The following SNX31 variants were observed in gnomAD, a reference collection of about 807,000 sequenced individuals.
SNX31 encodes sorting nexin-31.
A neutral mutation model predicts 65.4 loss-of-function variants in SNX31; 58 were observed. The ratio of observed to expected loss-of-function variants is 0.89; its 90% CI spans 0.72 to 1.10. The LOEUF (loss-of-function observed/expected upper bound fraction) is 1.10. Ranked by LOEUF, SNX31 falls within the 50% of genes least tolerant of loss-of-function variation. The pLI, the probability that SNX31 is intolerant of heterozygous loss-of-function variation, is 0.00. For missense variants in SNX31, 523 were observed against 529.7 expected (o/e 0.99, Z 0.12); for synonymous variants, 181 against 190.1 (o/e 0.95, Z 0.39).
At chr8:100,618,157 T>G in intron 4 of SNX31, 1 of 985,040 alleles carries the variant, frequency 1.0e-6, no homozygotes, top group Non-Finnish European at 1.2e-6. Flanking sequence ...GTACCCAAAG[T>G]TCCCAAGAGA....
chr8:100,624,763 G>T (rs1016837628), intron 4 of SNX31, among the ~76,000 whole-genome samples: 1 of 151,936 alleles, frequency 6.6e-6, no homozygotes, highest in Admixed American at 6.6e-5. Flanking sequence ...TGGTAGAATT[G>T]GCTTGTATAA....
rs1818001559 is a variant in SNX31 at position 100,625,724 on chromosome 8, T to C, written c.321+4603A>G. 6.6e-6 allele frequency among the ~76,000 whole-genome samples: 1 copy of C among 152,186 alleles called. No homozygotes were observed. Among genetic ancestry groups the C allele is most frequent in the Non-Finnish European group, 1.5e-5 (1 of 68,028 alleles). On this transcript the variant is annotated intron_variant, in intron 4 of 13. Transcript: ENST00000311812. The surrounding 1 kb of genome is among the most constrained non-coding windows in gnomAD (Gnocchi z 4.2). ...GAGGGAATCAGAGGTCTCAAAGTGCTGCAGAACTCAAGCAACGCATAAGCT... is the reference window on the plus strand; with the variant it reads ...GAGGGAATCAGAGGTCTCAAAGTGCCGCAGAACTCAAGCAACGCATAAGCT...
intron 10 of SNX31, among the ~76,000 whole-genome samples, chr8:100,595,021 T>C (rs780512395): frequency 3.9e-5 from 6 of 152,200 alleles, no homozygotes; most frequent in Non-Finnish European, 8.8e-5. Context: ...CAACAAATTA[T>C]GCAGAGCAAA....
At chr8:100,591,352 G>C (rs1814557204) in intron 10 of SNX31, among the ~76,000 whole-genome samples, 1 of 152,100 alleles carries the variant, frequency 6.6e-6, no homozygotes, top group South Asian at 2.1e-4. Context: ...CTTCATCAAG[G>C]CGGGCAGGCG....
At chr8:100,632,808 G>A (rs564283164) in intron 3 of SNX31, among the ~76,000 whole-genome samples, 1 of 152,188 alleles carries the variant, frequency 6.6e-6, no homozygotes, top group Non-Finnish European at 1.5e-5. Flanking sequence ...TATTGCTCAG[G>A]TTGGTCTCAA....
Position 100,630,543 on chromosome 8 carries a change from AC to A in SNX31, c.257-153del. 1 of 648,464 alleles carries A rather than the reference AC, an allele frequency of 1.5e-6. No homozygotes were observed. Among genetic ancestry groups the A allele is most frequent in the Non-Finnish European group, 2.5e-6 (1 of 392,694 alleles). The allele number at this position is 648,464 out of a possible 1,614,324, so 40.2% of individuals were successfully genotyped here. ...GTTGAAACCTCTCAAATACAGGAAA[AC>A]CCCCAAAGCTTGCCTCCTATAGGCA... On this transcript the variant is annotated intron_variant, in intron 3 of 13. Coordinates refer to ENST00000311812, the MANE Select transcript of SNX31 (RefSeq NM_152628.4). This position sits in a 1 kb window ranked among gnomAD's most constrained non-coding sequence, Gnocchi z 5.3.
At chr8:100,579,687 G>A (rs1302504612) in intron 12 of SNX31, among the ~76,000 whole-genome samples, 2 of 152,184 alleles carry the variant, frequency 1.3e-5, no homozygotes, top group Non-Finnish European at 2.9e-5. Flanking sequence ...AAGAAGAATG[G>A]AGGGAAAAAT....
rs1388361316 is a variant in SNX31, at chr8:100,600,433, C to CT, written c.689dup (p.Asp231GlyfsTer3). 3 of 1,610,112 alleles carry CT rather than the reference C, an allele frequency of 1.9e-6. No individual in the cohort carries two copies. The highest frequency in any genetic ancestry group is 2.7e-5 in the African/African-American group (2 of 74,710). Reference sequence around the variant, plus strand: ...GTTTGGCCCATCCTTTTTCAATGTCCTGTATTGCCTTAAAATAACATAAGT... The same window carrying CT: ...GTTTGGCCCATCCTTTTTCAATGTCCTTGTATTGCCTTAAAATAACATAAGT... On this transcript the variant is annotated frameshift_variant, in exon 9 of 14. Coordinates refer to ENST00000311812, the MANE Select transcript of SNX31 (RefSeq NM_152628.4). LOFTEE classifies it high-confidence loss of function.
intron 8 of SNX31, among the ~76,000 whole-genome samples, chr8:100,605,321 G>A (rs1816047058): frequency 6.6e-6 from 1 of 152,150 alleles, no homozygotes; most frequent in Non-Finnish European, 1.5e-5. Context: ...TTCTTCTGGG[G>A]AGAGCCAAGG....
Position 100,588,494 on chromosome 8 carries a change from T to C in SNX31, c.1092+372A>G, listed in dbSNP as rs1814262118. On this transcript the variant is annotated intron_variant, in intron 11 of 13. Coordinates refer to ENST00000311812, the MANE Select transcript of SNX31 (RefSeq NM_152628.4). This position sits in a 1 kb window ranked among gnomAD's most constrained non-coding sequence, Gnocchi z 4.8. ...TTATTGGAACATAGCCAGACTCACT[T>C]GTTTATATACTGCCTATGGCTGCTT... Among the ~76,000 whole-genome samples, 1 of 152,250 alleles carries C rather than the reference T, an allele frequency of 6.6e-6. No individual in the cohort carries two copies. Among genetic ancestry groups the C allele is most frequent in the Admixed American group, 6.5e-5 (1 of 15,276 alleles).
At chr8:100,618,055 C>A (rs1586970608) in intron 4 of SNX31, 1 of 984,924 alleles carries the variant, frequency 1.0e-6, no homozygotes, top group African/African-American at 1.7e-5. Flanking sequence ...CCTGAGCCAC[C>A]ACGCCCGGCC....
rs1401291823 is a variant in SNX31 at position 100,576,009 on chromosome 8, T to C, written c.1227+1010A>G. ...CATCTACATTTTACAGACAAAGATATGGAAGTGCAGTATCAGAGTCCCTAA... is the reference window on the plus strand; with the variant it reads ...CATCTACATTTTACAGACAAAGATACGGAAGTGCAGTATCAGAGTCCCTAA... On this transcript the variant is annotated intron_variant, in intron 13 of 13. Coordinates refer to ENST00000311812, the MANE Select transcript of SNX31 (RefSeq NM_152628.4). The surrounding 1 kb of genome is among the most constrained non-coding windows in gnomAD (Gnocchi z 4.8). 6.6e-6 allele frequency among the ~76,000 whole-genome samples: 1 copy of C among 152,140 alleles called. No individual in the cohort carries two copies. The highest frequency in any genetic ancestry group is 1.5e-5 in the Non-Finnish European group (1 of 68,036).
chr8:100,647,193 C>T (rs757395098), intron 2 of SNX31, among the ~76,000 whole-genome samples: 7 of 151,700 alleles, frequency 4.6e-5, no homozygotes, highest in African/African-American at 7.3e-5. Context: ...TATTCATATG[C>T]GATATATGGA....
chr8:100,650,188 C>T (rs1819920647), upstream of SNX31, among the ~76,000 whole-genome samples: 1 of 152,204 alleles, frequency 6.6e-6, no homozygotes, highest in Non-Finnish European at 1.5e-5. Flanking sequence ...TCAACAGTCT[C>T]TCATTTTTAG....
chr8:100,579,739 G>A (rs988379312), intron 12 of SNX31, among the ~76,000 whole-genome samples: 1 of 152,176 alleles, frequency 6.6e-6, no homozygotes, highest in Non-Finnish European at 1.5e-5. Context: ...AGAGGTGTAA[G>A]GTAATCAGGA....
At position 100,630,358 on chromosome 8, in the gene SNX31, A is replaced by G. The variant is rs202051247; in HGVS notation, c.290T>C (p.Val97Ala). 1.2e-6 allele frequency: 2 copies of G among 1,613,508 alleles called. No individual in the cohort carries two copies. Among genetic ancestry groups the G allele is most frequent in the Non-Finnish European group, 1.7e-6 (2 of 1,179,890 alleles). ...CGCCAGTTTTAAAAACTCAACGAAG[A>G]CATCACTTCTCAACACGTTTGGGTC... ...TMDPNVLRSD[V>A]FVEFLKLAQL... Residue 97 changes from valine (V) to alanine (A), a missense_variant, in exon 4 of 14, where the codon GTC becomes GCC. Coordinates refer to ENST00000311812, the MANE Select transcript of SNX31 (RefSeq NM_152628.4). The surrounding 1 kb of genome is among the most constrained non-coding windows in gnomAD (Gnocchi z 5.3).
At chr8:100,607,813 A>AT (rs1272173130) in intron 8 of SNX31, among the ~76,000 whole-genome samples, 2 of 152,230 alleles carry the variant, frequency 1.3e-5, no homozygotes, top group East Asian at 1.9e-4. Context: ...TGAAAATTTA[A>AT]TTTTTTAAAA....
At chr8:100,583,009 A>AAAGAC (rs1196833434) in intron 12 of SNX31, among the ~76,000 whole-genome samples, 6 of 151,900 alleles carry the variant, frequency 3.9e-5, no homozygotes, top group African/African-American at 1.4e-4. Context: ...AAAGAAAAGA[A>AAAGAC]AAGTTTCCCA....
chr8:100,595,874 A>T (rs1276668206), intron 10 of SNX31, among the ~76,000 whole-genome samples: 1 of 152,216 alleles, frequency 6.6e-6, no homozygotes, highest in Non-Finnish European at 1.5e-5. Context: ...CTAGAATGCA[A>T]TGCCAGAAAC....
Sources: allele counts gnomAD v4.1 joint callset (sites outside exome capture counted in the v4.1 genomes callset), GRCh38; gene constraint gnomAD v4.1.1; non-coding constraint Gnocchi (gnomAD v3.1); transcripts MANE v1.5; gene names NCBI Gene and HGNC (gene_info 2026-07-23, HGNC 2026-07-21).